Variants in MCM9 observed in about 807,000 individuals in gnomAD.
MCM9 encodes DNA helicase MCM9.
A neutral mutation model predicts 72.8 loss-of-function variants in MCM9; 55 were observed. The observed-to-expected ratio is 0.76, with a 90% CI of 0.61 to 0.95. The LOEUF (loss-of-function observed/expected upper bound fraction) is 0.95, where lower values mean the gene tolerates loss of function less well. Among genes scored for constraint, MCM9 ranks in the 40% least tolerant of loss-of-function variants. The pLI, the probability that MCM9 is intolerant of heterozygous loss-of-function variation, is 0.00. For missense variants in MCM9, 1,279 were observed against 1,377.0 expected, an observed-to-expected ratio of 0.93 and a Z score of 1.13; for synonymous variants, 480 against 503.4, an observed-to-expected ratio of 0.95 and a Z score of 0.62.
chr6:118,814,857 A>G lies in MCM9; in HGVS notation c.3399T>C (p.Cys1133=). 1 of 1,524,968 alleles carries G rather than the reference A, an allele frequency of 6.6e-7. No individual in the cohort carries two copies. 94.5% of individuals were successfully genotyped at this position (1,524,968 alleles called of 1,614,324 possible). A position where few individuals can be genotyped will look rare whatever the true frequency, so the allele number is the denominator to read the frequency against. ...LPELGDEAFD[C]DWDEEMRKKS is the part of the protein sequence containing the mutation. ...TTTTTCTCATCTCTTCATCCCAGTC[A>G]CAATCAAATGCTTCATCACCTAGTT... Residue 1133 remains cysteine, a synonymous_variant, in exon 14 of 14, where the codon TGT becomes TGC. Coordinates refer to ENST00000619706, the MANE Select transcript of MCM9 (RefSeq NM_017696.3).
intron 9 of MCM9, among the ~76,000 whole-genome samples, chr6:118,843,419 G>A (rs1042209243): frequency 4.0e-5 from 6 of 150,930 alleles, no homozygotes; most frequent in Non-Finnish European, 7.4e-5. Flanking sequence ...ATCTGAGGTC[G>A]GGAGTTCGAG....
Position 118,816,263 on chromosome 6 carries a change from G to T in MCM9, c.1993C>A (p.Pro665Thr). 1 of 1,548,138 alleles carries T rather than the reference G, an allele frequency of 6.5e-7. No individual in the cohort carries two copies. Among genetic ancestry groups the T allele is most frequent in the South Asian group, 1.2e-5 (1 of 83,690 alleles). Residue 665 changes from proline to threonine, a missense_variant, in exon 14 of 14, where the codon CCA (proline) becomes ACA (threonine). Transcript: ENST00000619706. ...LQNQSVHQSQ[P>T]RVLEVETTPG... is the part of the protein sequence containing the mutation. Reference sequence around the variant, plus strand: ...GTAGTCTCTACCTCCAATACCCGTGGTTGGGATTGGTGCACACTCTGATTC... The same window carrying T: ...GTAGTCTCTACCTCCAATACCCGTGTTTGGGATTGGTGCACACTCTGATTC...
At chr6:118,901,765 A>G (rs1411458969) in intron 8 of MCM9, among the ~76,000 whole-genome samples, 1 of 152,220 alleles carries the variant, frequency 6.6e-6, no homozygotes, top group Non-Finnish European at 1.5e-5. Context: ...AAGTATTTCA[A>G]CCCAGCAATG....
At chr6:118,883,039 A>G (rs1441888734) in intron 8 of MCM9, among the ~76,000 whole-genome samples, 1 of 150,656 alleles carries the variant, frequency 6.6e-6, no homozygotes, top group Non-Finnish European at 1.5e-5. Flanking sequence ...AAAGCCTTCA[A>G]AGTAGCCATT....
In MCM9 at chr6:118,872,423, T is replaced by C. The variant is rs977134414; in HGVS notation, c.1151-15878A>G. Among the ~76,000 whole-genome samples the C allele has an allele frequency of 2.6e-5, 4 of 151,872 alleles. No individual in the cohort carries two copies. The East Asian group carries it at 7.7e-4, about 29-fold the overall frequency. Reference sequence around the variant, plus strand: ...TAACACATGGTTCAAAGAAGAAATTTCAAGAGAAATTTAAAAACATTTTCA... The same window carrying C: ...TAACACATGGTTCAAAGAAGAAATTCCAAGAGAAATTTAAAAACATTTTCA... On this transcript the variant is annotated intron_variant, in intron 8 of 13. Coordinates refer to ENST00000619706, the MANE Select transcript of MCM9 (RefSeq NM_017696.3).
rs1583308091 is a variant in MCM9, at chr6:118,814,696, G to A, written c.*128C>T. ...ACCTGAAATTAGAAAGCCTTAAGGG[G>A]GAGCCAGTATTCAGAGTGATCCTCA... On this transcript the variant is annotated 3_prime_UTR_variant, in exon 14 of 14. Coordinates refer to ENST00000619706, the MANE Select transcript of MCM9 (RefSeq NM_017696.3). 2.3e-6 allele frequency: 2 copies of A among 886,546 alleles called. No individual in the cohort carries two copies. Among genetic ancestry groups the A allele is most frequent in the Non-Finnish European group, 3.3e-6 (2 of 612,982 alleles). 54.9% of individuals were successfully genotyped at this position (886,546 alleles called of 1,614,324 possible).
intron 5 of MCM9, chr6:118,921,071 C>G (rs1490061004): frequency 6.6e-6 from 1 of 152,198 alleles, no homozygotes; most frequent in African/African-American, 2.4e-5. Context: ...TTTCGGAACT[C>G]TCAGATTTCC....
At chr6:118,892,666 A>C (rs1444890787) in intron 8 of MCM9, among the ~76,000 whole-genome samples, 1 of 152,240 alleles carries the variant, frequency 6.6e-6, no homozygotes, top group Non-Finnish European at 1.5e-5. Flanking sequence ...TATGTTGTTT[A>C]TCAGCCACAA....
Position 118,933,683 on chromosome 6 carries a change from G to C in MCM9, c.-149-943C>G, listed in dbSNP as rs117752407. On this transcript the variant is annotated intron_variant, in intron 1 of 13. Transcript: ENST00000619706. The stretch of plus-strand genomic sequence containing the variant: ...TCACAGTTTATCATCCTAAGTACGT[G>C]TTATACACGCTATTTGCTATATTTT... Among the ~76,000 whole-genome samples the C allele has an allele frequency of 7.8e-4, 119 of 152,218 alleles. No homozygotes were observed. In the East Asian group the frequency reaches 0.021, roughly 26 times the overall value.
intron 9 of MCM9, among the ~76,000 whole-genome samples, chr6:118,854,786 T>A (rs1776453151): frequency 6.6e-6 from 1 of 152,258 alleles, no homozygotes; most frequent in Non-Finnish European, 1.5e-5. Context: ...TTTTGTTTTT[T>A]AGTCTAATAC....
At chr6:118,891,468 T>C (rs964198894) in intron 8 of MCM9, among the ~76,000 whole-genome samples, 3 of 152,188 alleles carry the variant, frequency 2.0e-5, no homozygotes, top group African/African-American at 7.2e-5. Context: ...AAGCTAGAAA[T>C]CCAAGATCAA....
chr6:118,864,882 GC>G lies in MCM9; in HGVS notation c.1151-8338del, dbSNP rs201309185. ...GCAGAGAAGGGGCCTAAAATATGCAGCCCCTTCTTTCTGCCTGGAAGGAATC... is the reference window on the plus strand; with the variant it reads ...GCAGAGAAGGGGCCTAAAATATGCAGCCCTTCTTTCTGCCTGGAAGGAATC... On this transcript the variant is annotated intron_variant, in intron 8 of 13. Transcript: ENST00000619706. Among the ~76,000 whole-genome samples the G allele has an allele frequency of 2.9e-3, 430 of 150,270 alleles. 8 individuals are homozygous for G. Among genetic ancestry groups the G allele is most frequent in the Admixed American group, 0.026 (394 of 15,126 alleles).
At chr6:118,910,541 G>T in intron 8 of MCM9, 1 of 857,574 alleles carries the variant, frequency 1.2e-6, no homozygotes. Context: ...CCACTTAGAT[G>T]GCTTGGACTC....
intron 9 of MCM9, among the ~76,000 whole-genome samples, chr6:118,841,776 A>G (rs1282191032): frequency 6.6e-6 from 1 of 151,732 alleles, no homozygotes; most frequent in East Asian, 1.9e-4. Flanking sequence ...AGCAGAAAGC[A>G]TGACATTGTT....
rs1224375337 is a variant in MCM9 at position 118,843,329 on chromosome 6, T to TA, written c.1325+13041dup. On this transcript the variant is annotated intron_variant, in intron 9 of 13. Coordinates refer to ENST00000619706, the MANE Select transcript of MCM9 (RefSeq NM_017696.3). Reference sequence around the variant, plus strand: ...TCTGCAGTGCATATAAGTGACACATTAAAAAAAAAAAATCTCTGGCTGGGT... The same window carrying TA: ...TCTGCAGTGCATATAAGTGACACATTAAAAAAAAAAAAATCTCTGGCTGGGT... Among the ~76,000 whole-genome samples the TA allele has an allele frequency of 9.9e-3, 1,431 of 145,216 alleles. 22 individuals are homozygous for TA. The highest frequency in any genetic ancestry group is 0.031 in the African/African-American group (1,225 of 39,792).
chr6:118,895,301 C>T (rs1779313073), intron 8 of MCM9, among the ~76,000 whole-genome samples: 2 of 152,080 alleles, frequency 1.3e-5, no homozygotes, highest in African/African-American at 4.8e-5. Flanking sequence ...GCGCAGGCTC[C>T]CCAACCAACG....
chr6:118,838,183 C>T (rs540887800), intron 9 of MCM9, among the ~76,000 whole-genome samples: 81 of 130,578 alleles, frequency 6.2e-4, no homozygotes, highest in Non-Finnish European at 1.1e-3. Context: ...TTTTTTGAGA[C>T]GGAGTCTCAC....
intron 13 of MCM9, among the ~76,000 whole-genome samples, chr6:118,824,184 A>G (rs1439737549): frequency 1.3e-5 from 2 of 151,802 alleles, no homozygotes; most frequent in Non-Finnish European, 2.9e-5. Flanking sequence ...TTGAGTTACA[A>G]CCAAACAAAA....
At chr6:118,913,848 A>G (rs1465120467) in intron 6 of MCM9, among the ~76,000 whole-genome samples, 2 of 152,034 alleles carry the variant, frequency 1.3e-5, no homozygotes, top group Non-Finnish European at 2.9e-5. Context: ...CAATCCTTTC[A>G]TATCAGCCTC....
Sources: allele counts gnomAD v4.1 joint callset (sites outside exome capture counted in the v4.1 genomes callset), GRCh38; gene constraint gnomAD v4.1.1; transcripts MANE v1.5; gene names NCBI Gene and HGNC (gene_info 2026-07-23, HGNC 2026-07-21).